SNX10: variants seen among roughly 807,000 people sequenced by gnomAD.
SNX10 encodes sorting nexin 10.
Under a neutral mutation model 28.5 loss-of-function variants are expected in SNX10, and 25 were observed. The ratio of observed to expected loss-of-function variants is 0.88; its 90% CI spans 0.64 to 1.22. The LOEUF is 1.22. SNX10 is among the 50% of genes most tolerant of loss of function. SNX10 has a pLI of 0.00. For missense variants in SNX10, 223 were observed against 242.6 expected, an observed-to-expected ratio of 0.92 and a Z score of 0.54; for synonymous variants, 62 against 81.4, an observed-to-expected ratio of 0.76 and a Z score of 1.28.
At chr7:26,296,292 C>A (rs1786108218) in intron 1 of SNX10, among the ~76,000 whole-genome samples, 1 of 152,072 alleles carries the variant, frequency 6.6e-6, no homozygotes, top group African/African-American at 2.4e-5. Context: ...GTGGCTCACA[C>A]CTGTAATTTT....
Position 26,345,748 on chromosome 7 carries a change from A to C in SNX10, c.-23-672A>C, listed in dbSNP as rs138594375. Among the ~76,000 whole-genome samples the C allele has an allele frequency of 7.9e-3, 1,201 of 152,304 alleles. 13 individuals carry two copies. The highest frequency in any genetic ancestry group is 0.017 in the African/African-American group (695 of 41,552). The stretch of plus-strand genomic sequence containing the variant: ...TGTAAGAATACATATGTGTGGATAT[A>C]GGCAGGGAATTTAAATTTGCTTTTT... On this transcript the variant is annotated intron_variant, in intron 1 of 6. Transcript: ENST00000338523.
At chr7:26,296,174 T>G (rs1445109285) in intron 1 of SNX10, among the ~76,000 whole-genome samples, 1 of 152,140 alleles carries the variant, frequency 6.6e-6, no homozygotes, top group South Asian at 2.1e-4. Flanking sequence ...CCAAATTCCC[T>G]GAAGTCTGAG....
chr7:26,365,618 G>A (rs1789257973), intron 5 of SNX10, among the ~76,000 whole-genome samples: 1 of 152,198 alleles, frequency 6.6e-6, no homozygotes. Context: ...TTATAAAGGA[G>A]TATTTGGTGG....
Position 26,345,972 on chromosome 7 carries a change from T to C in SNX10, c.-23-448T>C, listed in dbSNP as rs185670029. Among the ~76,000 whole-genome samples the C allele has an allele frequency of 2.0e-3, 310 of 152,186 alleles. 2 individuals carry two copies. Among genetic ancestry groups the C allele is most frequent in the African/African-American group, 7.2e-3 (297 of 41,506 alleles). ...CTCTTATGTGACCTCTGGAGTAATA[T>C]AAGTGTCACAGGAAGGGCCTGATCC... is the stretch of plus-strand genomic sequence containing the variant. On this transcript the variant is annotated intron_variant, in intron 1 of 6. Transcript: ENST00000338523.
At chr7:26,303,173 A>G (rs1037413789) in intron 1 of SNX10, among the ~76,000 whole-genome samples, 6 of 152,246 alleles carry the variant, frequency 3.9e-5, no homozygotes, top group African/African-American at 1.4e-4. Flanking sequence ...TCAAGATTAC[A>G]GTATTCTTGC....
chr7:26,354,138 A>G (rs1421124613), intron 2 of SNX10: 1 of 152,190 alleles, frequency 6.6e-6, no homozygotes, highest in African/African-American at 2.4e-5. Context: ...ACCTATCACA[A>G]TGGCTAAAAT....
In SNX10 at chr7:26,295,100, T is replaced by C. The variant is rs1584079425; in HGVS notation, c.-24+3014T>C. Among the ~76,000 whole-genome samples, 5 of 152,366 alleles carry C rather than the reference T, an allele frequency of 3.3e-5. No individual in the cohort carries two copies. The East Asian group carries it at 9.6e-4, about 29-fold the overall frequency. ...AAGGCTTTGTGATTCAGTATGTATTTCTATTGTAGTCTCTGTTATTTTTAA... is the reference window on the plus strand; with the variant it reads ...AAGGCTTTGTGATTCAGTATGTATTCCTATTGTAGTCTCTGTTATTTTTAA... On this transcript the variant is annotated intron_variant, in intron 1 of 6. Coordinates refer to ENST00000338523, the MANE Select transcript of SNX10 (RefSeq NM_013322.3).
intron 1 of SNX10, among the ~76,000 whole-genome samples, chr7:26,335,605 GAGGGCCCTGGC>G (rs1787897293): frequency 6.6e-6 from 1 of 152,184 alleles, no homozygotes; most frequent in Non-Finnish European, 1.5e-5. Context: ...GCAGATCTGG[GAGGGCCCTGGC>G]ACCACCACAG....
chr7:26,323,563 G>T (rs1395356653), intron 1 of SNX10, among the ~76,000 whole-genome samples: 1 of 152,168 alleles, frequency 6.6e-6, no homozygotes, highest in Non-Finnish European at 1.5e-5. Flanking sequence ...AGGCGGCAGG[G>T]GTGGTTGGGG....
intron 1 of SNX10, among the ~76,000 whole-genome samples, chr7:26,292,622 G>A (rs1423830832): frequency 1.3e-5 from 2 of 152,136 alleles, no homozygotes; most frequent in African/African-American, 2.4e-5. Context: ...GAAAGCAACA[G>A]CCTGTTTTTC....
At chr7:26,337,226 CTTTATT>C (rs146671163) in intron 1 of SNX10, among the ~76,000 whole-genome samples, 20,286 of 152,102 alleles carry the variant, frequency 0.13, 1,775 homozygotes, top group South Asian at 0.41. Context: ...CTTTCAAAAA[CTTTATT>C]TTTAATTGTG....
chr7:26,322,633 G>A (rs1274041014), intron 1 of SNX10, among the ~76,000 whole-genome samples: 1 of 152,144 alleles, frequency 6.6e-6, no homozygotes. Flanking sequence ...GCTTATTGGC[G>A]TTGATGTTGT....
intron 1 of SNX10, among the ~76,000 whole-genome samples, chr7:26,300,808 C>T (rs916576328): frequency 6.6e-6 from 1 of 151,984 alleles, no homozygotes; most frequent in Non-Finnish European, 1.5e-5. Context: ...CACTGGAGCT[C>T]AGGAGTTCGA....
chr7:26,306,226 G>A (rs977208133), intron 1 of SNX10, among the ~76,000 whole-genome samples: 2 of 152,012 alleles, frequency 1.3e-5, no homozygotes, highest in Admixed American at 1.3e-4. Context: ...CTTTTTAAAA[G>A]GACTTTCTTG....
chr7:26,313,411 G>C (rs1786930537), intron 1 of SNX10, among the ~76,000 whole-genome samples: 1 of 152,110 alleles, frequency 6.6e-6, no homozygotes, highest in Admixed American at 6.5e-5. Context: ...CAATGCTGTT[G>C]CTTCACTACC....
At chr7:26,302,511 G>A (rs933202528) in intron 1 of SNX10, among the ~76,000 whole-genome samples, 1 of 152,160 alleles carries the variant, frequency 6.6e-6, no homozygotes, top group Non-Finnish European at 1.5e-5. Context: ...TCACGTTTTT[G>A]TACAGCTTCT....
At chr7:26,328,122 G>T (rs1404770908) in intron 1 of SNX10, among the ~76,000 whole-genome samples, 1 of 152,162 alleles carries the variant, frequency 6.6e-6, no homozygotes, top group African/African-American at 2.4e-5. Context: ...TCCAGCTAGA[G>T]TCAAGAGTAG....
chr7:26,356,284 A>T (rs78629524), intron 2 of SNX10, among the ~76,000 whole-genome samples: 1 of 152,212 alleles, frequency 6.6e-6, no homozygotes, highest in Non-Finnish European at 1.5e-5. Context: ...TGGCTTTCTC[A>T]TACTACATAT....
chr7:26,351,360 C>T (rs1788587129), intron 2 of SNX10, among the ~76,000 whole-genome samples: 1 of 152,198 alleles, frequency 6.6e-6, no homozygotes, highest in East Asian at 1.9e-4. Flanking sequence ...AGTGATATCA[C>T]CTGGAAGTGA....
Sources: allele counts gnomAD v4.1 joint callset (sites outside exome capture counted in the v4.1 genomes callset), GRCh38; gene constraint gnomAD v4.1.1; transcripts MANE v1.5; gene names NCBI Gene and HGNC (gene_info 2026-07-23, HGNC 2026-07-21).